The following GSK3B variants were observed in gnomAD, a reference collection of about 807,000 sequenced individuals.
GSK3B encodes glycogen synthase kinase 3 beta.
In GSK3B, 15 loss-of-function variants were observed where a neutral mutation model predicts 56.4. The observed-to-expected ratio is 0.27, with a 90% confidence interval of 0.18 to 0.41. GSK3B has a LOEUF of 0.41. Ranked by LOEUF, GSK3B falls within the 10% of genes least tolerant of loss-of-function variation. The pLI, the probability that GSK3B is intolerant of heterozygous loss-of-function variation, is 1.00. For missense variants in GSK3B, 300 were observed against 513.4 expected (o/e 0.58, Z 4.02); for synonymous variants, 181 against 188.9 (o/e 0.96, Z 0.34).
rs116654999 is a variant in GSK3B at position 120,071,649 on chromosome 3, T to C, written c.88+21698A>G. Among the ~76,000 whole-genome samples the C allele has an allele frequency of 4.3e-3, 649 of 152,290 alleles. 1 individual carries two copies. Among genetic ancestry groups the C allele is most frequent in the African/African-American group, 0.015 (613 of 41,558 alleles). On this transcript the variant is annotated intron_variant, in intron 1 of 10. Coordinates refer to ENST00000264235, the MANE Select transcript of GSK3B (RefSeq NM_001146156.2). ...AGCACCCCCAGATGGGACTGTCTAGTCACAGGAAAACAAGCTCAGGGCTCC... is the reference window on the plus strand; with the variant it reads ...AGCACCCCCAGATGGGACTGTCTAGCCACAGGAAAACAAGCTCAGGGCTCC...
chr3:119,916,001 G>T (rs2056776622), intron 5 of GSK3B, 43 bp downstream of exon 5: 1 of 1,390,496 alleles, frequency 7.2e-7, no homozygotes, highest in East Asian at 2.3e-5. Flanking sequence ...AGTAGGGGGA[G>T]GAGGGGAAAA....
intron 7 of GSK3B, among the ~76,000 whole-genome samples, chr3:119,887,389 G>C (rs2056447699): frequency 6.6e-6 from 1 of 151,974 alleles, no homozygotes; most frequent in South Asian, 2.1e-4. Flanking sequence ...AAATGACAGA[G>C]AAGACAGAAT....
intron 4 of GSK3B, among the ~76,000 whole-genome samples, chr3:119,923,156 A>G (rs1427968924): frequency 6.6e-6 from 1 of 152,238 alleles, no homozygotes; most frequent in Non-Finnish European, 1.5e-5. Context: ...ACTGTAATTT[A>G]CCAGAATATC....
At chr3:120,002,429 G>A (rs1014485566) in intron 1 of GSK3B, among the ~76,000 whole-genome samples, 190 bp from the exon 2 acceptor site, 1 of 151,528 alleles carries the variant, frequency 6.6e-6, no homozygotes, top group East Asian at 1.9e-4. Flanking sequence ...ACCTCCGTCT[G>A]CCGGGTTCAA....
intron 7 of GSK3B, among the ~76,000 whole-genome samples, chr3:119,885,512 G>A (rs538195694): frequency 1.2e-3 from 178 of 151,574 alleles, no homozygotes; most frequent in Non-Finnish European, 2.0e-3. Flanking sequence ...TATTCCTATC[G>A]AACTACCAAT....
rs202235479 is a variant in GSK3B at position 120,013,852 on chromosome 3, TAA to T, written c.89-11615_89-11614del. Among the ~76,000 whole-genome samples the T allele has an allele frequency of 5.5e-3, 776 of 140,302 alleles. 3 individuals carry two copies. The highest frequency in any genetic ancestry group is 0.018 in the African/African-American group (703 of 39,330). 92.0% of individuals were successfully genotyped at this position (140,302 alleles called of 152,430 possible). A position where few individuals can be genotyped will look rare whatever the true frequency, so the allele number is the denominator to read the frequency against. ...ACTCTTTATCCAAAGAAACCACGTT[TAA>T]AAAAAAAAAAAAAACTATTAAAACA... On this transcript the variant is annotated intron_variant, in intron 1 of 10. Coordinates refer to ENST00000264235, the MANE Select transcript of GSK3B (RefSeq NM_001146156.2).
intron 3 of GSK3B, among the ~76,000 whole-genome samples, chr3:119,937,936 G>C (rs893890197): frequency 6.6e-6 from 1 of 150,638 alleles, no homozygotes; most frequent in Admixed American, 6.6e-5. Flanking sequence ...TGAAAGTGGG[G>C]CCATTACTAC....
chr3:120,088,282 A>C (rs193043428), intron 1 of GSK3B, among the ~76,000 whole-genome samples: 144 of 147,244 alleles, frequency 9.8e-4, no homozygotes, highest in African/African-American at 3.8e-3. Context: ...TCCATTATGT[A>C]CTGAGTATTA....
chr3:120,081,332 A>G (rs2058418092), intron 1 of GSK3B, among the ~76,000 whole-genome samples: 3 of 152,050 alleles, frequency 2.0e-5, no homozygotes, highest in Admixed American at 6.5e-5. Context: ...GCGGATCACA[A>G]GATCAGGAGA....
At chr3:119,959,509 T>A (rs1348878370) in intron 2 of GSK3B, among the ~76,000 whole-genome samples, 10 of 80,610 alleles carry the variant, frequency 1.2e-4, no homozygotes, top group Non-Finnish European at 2.2e-4. Flanking sequence ...TCTCTGACTT[T>A]TTTTTTTTTT....
chr3:119,982,899 T>C (rs993720381), intron 2 of GSK3B, among the ~76,000 whole-genome samples: 1 of 151,904 alleles, frequency 6.6e-6, no homozygotes, highest in Non-Finnish European at 1.5e-5. Flanking sequence ...CCAAGACACA[T>C]AATTGACAGA....
intron 2 of GSK3B, among the ~76,000 whole-genome samples, chr3:119,990,509 T>C (rs1193001960): frequency 6.6e-6 from 1 of 152,216 alleles, no homozygotes; most frequent in Non-Finnish European, 1.5e-5. Context: ...TCAAAATTAT[T>C]AAGTAAGACC....
At chr3:119,954,794 A>G (rs1413443428) in intron 2 of GSK3B, among the ~76,000 whole-genome samples, 1 of 152,166 alleles carries the variant, frequency 6.6e-6, no homozygotes, top group Admixed American at 6.5e-5. Context: ...AAAGAGAGAG[A>G]AAAGAGAAAG....
intron 7 of GSK3B, among the ~76,000 whole-genome samples, chr3:119,884,964 A>G (rs1316468472): frequency 6.6e-6 from 1 of 152,122 alleles, no homozygotes; most frequent in African/African-American, 2.4e-5. Context: ...CTCCTATTCA[A>G]CATAGTACCA....
intron 9 of GSK3B, among the ~76,000 whole-genome samples, chr3:119,845,887 G>A (rs930274612): frequency 5.9e-5 from 9 of 152,050 alleles, no homozygotes; most frequent in South Asian, 2.1e-4. Flanking sequence ...CAAAGCTGGC[G>A]GCATCAGCAA....
intron 3 of GSK3B, among the ~76,000 whole-genome samples, chr3:119,930,563 G>C (rs1274005035): frequency 1.3e-5 from 2 of 152,054 alleles, no homozygotes; most frequent in Admixed American, 1.3e-4. Context: ...AAAGAACTTG[G>C]GCTGGTATGA....
intron 1 of GSK3B, among the ~76,000 whole-genome samples, chr3:120,077,736 CAT>C (rs1221094378): frequency 1.3e-5 from 2 of 152,010 alleles, no homozygotes; most frequent in Non-Finnish European, 2.9e-5. Flanking sequence ...TAATATGTAT[CAT>C]ATTAACATCA....
intron 1 of GSK3B, among the ~76,000 whole-genome samples, chr3:120,014,295 T>C (rs1267487884): frequency 6.6e-6 from 1 of 152,022 alleles, no homozygotes; most frequent in East Asian, 1.9e-4. Flanking sequence ...ATAAATTTAA[T>C]TTTAAAAAGC....
intron 1 of GSK3B, among the ~76,000 whole-genome samples, chr3:120,012,624 A>G (rs2057788921): frequency 6.6e-6 from 1 of 152,230 alleles, no homozygotes; most frequent in African/African-American, 2.4e-5. Flanking sequence ...GACGCAATGA[A>G]AAGACGGTAT....
Sources: gnomAD v4.1 joint callset for allele counts (sites outside exome capture counted in the v4.1 genomes callset) on GRCh38, gnomAD v4.1.1 for gene constraint, MANE v1.5 for transcripts, NCBI Gene and HGNC (gene_info 2026-07-23, HGNC 2026-07-21) for gene names.